DENND1A: variants seen among roughly 807,000 people sequenced by gnomAD.
The protein encoded by DENND1A is DENN domain containing 1A.
A neutral mutation model predicts 113.7 loss-of-function variants in DENND1A; 51 were observed. The observed-to-expected ratio is 0.45, with a 90% confidence interval of 0.36 to 0.57. DENND1A has a LOEUF of 0.57. Among genes scored for constraint, DENND1A ranks in the 20% least tolerant of loss-of-function variants. The pLI is 0.00. For synonymous variants in DENND1A, 565 were observed against 570.8 expected, an observed-to-expected ratio of 0.99 and a Z score of 0.14; for missense variants, 1,258 against 1,395.9, an observed-to-expected ratio of 0.90 and a Z score of 1.57.
intron 2 of DENND1A, among the ~76,000 whole-genome samples, chr9:123,806,253 CTGTT>C (rs1835543914): frequency 2.0e-5 from 3 of 150,224 alleles, no homozygotes; most frequent in South Asian, 2.1e-4. Flanking sequence ...GGCCAACATA[CTGTT>C]TGTTTGTTGT....
At chr9:123,387,031 C>T (rs1588267130) in intron 22 of DENND1A, among the ~76,000 whole-genome samples, 1 of 152,240 alleles carries the variant, frequency 6.6e-6, no homozygotes, top group Non-Finnish European at 1.5e-5. Flanking sequence ...CCCTTAAAGG[C>T]TCCCATTAAA....
chr9:123,742,492 A>G (rs2069113028), intron 5 of DENND1A, among the ~76,000 whole-genome samples: 1 of 152,188 alleles, frequency 6.6e-6, no homozygotes, highest in South Asian at 2.1e-4. Context: ...ATCCTTCCAC[A>G]TGTTTCTGCT....
chr9:123,728,506 A>AAAAAAAAAAAAAAAAAC (rs1564150268), intron 5 of DENND1A, among the ~76,000 whole-genome samples: 2 of 145,900 alleles, frequency 1.4e-5, no homozygotes, highest in African/African-American at 5.4e-5. Context: ...AAAAAAAAAA[A>AAAAAAAAAAAAAAAAAC]AAAACAGGCA....
At position 123,824,038 on chromosome 9, in the gene DENND1A, A is replaced by C. The variant is rs542310885; in HGVS notation, c.89-31408T>G. 2.0e-5 allele frequency among the ~76,000 whole-genome samples: 3 copies of C among 152,326 alleles called. No individual in the cohort carries two copies. The East Asian group carries it at 5.8e-4, about 29-fold the overall frequency. ...TCAGAACTGAAATCTGGCCAGGTCT[A>C]TTTGACATGAAAATCAAAGTTCTTT... On this transcript the variant is annotated intron_variant, in intron 2 of 23. Transcript: ENST00000394215.
At chr9:123,460,933 T>A (rs1337503758) in intron 13 of DENND1A, among the ~76,000 whole-genome samples, 2 of 152,244 alleles carry the variant, frequency 1.3e-5, no homozygotes, top group Non-Finnish European at 2.9e-5. Context: ...TGTTCAACAT[T>A]GTGCACCTGG....
intron 1 of DENND1A, among the ~76,000 whole-genome samples, chr9:123,920,605 G>A (rs1856061303): frequency 6.6e-6 from 1 of 152,142 alleles, no homozygotes; most frequent in African/African-American, 2.4e-5. Context: ...TGTTGCCCAA[G>A]CTAGAGTACA....
intron 2 of DENND1A, among the ~76,000 whole-genome samples, chr9:123,834,077 A>C (rs571543936): frequency 9.2e-5 from 14 of 152,282 alleles, no homozygotes; most frequent in African/African-American, 3.4e-4. Flanking sequence ...CTCAAATAGA[A>C]TACAGTTGTC....
chr9:123,622,982 A>AAGTAGAAAG, intron 10 of DENND1A, among the ~76,000 whole-genome samples: 1 of 152,358 alleles, frequency 6.6e-6, no homozygotes, highest in Non-Finnish European at 1.5e-5. Context: ...CACAGATCTA[A>AAGTAGAAAG]AGTAGAAAGG....
chr9:123,666,999 A>T, intron 8 of DENND1A, 27 bp downstream of exon 8: 1 of 1,567,436 alleles, frequency 6.4e-7, no homozygotes, highest in Non-Finnish European at 8.6e-7. Flanking sequence ...ATAAAAATTT[A>T]ATTTTTTCTT....
chr9:123,821,209 AT>A (rs1590226008), intron 2 of DENND1A, among the ~76,000 whole-genome samples: 2 of 152,360 alleles, frequency 1.3e-5, no homozygotes, highest in East Asian at 3.9e-4. Flanking sequence ...TTCATCTCAA[AT>A]TCATCAGAAA....
At chr9:123,420,863 A>G (rs973870198) in intron 19 of DENND1A, among the ~76,000 whole-genome samples, 91 of 11,180 alleles carry the variant, frequency 8.1e-3, no homozygotes, top group Middle Eastern at 0.028. Flanking sequence ...GAGGCGGGGG[A>G]GGGAGGAGGG....
intron 12 of DENND1A, among the ~76,000 whole-genome samples, chr9:123,559,322 A>G (rs1266046890): frequency 1.3e-5 from 2 of 152,330 alleles, no homozygotes; most frequent in East Asian, 1.9e-4. Flanking sequence ...TGCAGGTAAC[A>G]TATCAAGAGC....
At chr9:123,566,359 G>C (rs1331062414) in intron 12 of DENND1A, among the ~76,000 whole-genome samples, 1 of 152,198 alleles carries the variant, frequency 6.6e-6, no homozygotes, top group East Asian at 1.9e-4. Context: ...GGTTCTCCAT[G>C]GGGGAGTGAG....
At chr9:123,837,312 C>A (rs759247967) in intron 2 of DENND1A, among the ~76,000 whole-genome samples, 10 of 152,164 alleles carry the variant, frequency 6.6e-5, no homozygotes, top group African/African-American at 1.2e-4. Context: ...ACAATTAGCA[C>A]CCCCTTGCCT....
intron 13 of DENND1A, among the ~76,000 whole-genome samples, chr9:123,460,911 T>C (rs2048473907): frequency 1.3e-5 from 2 of 152,240 alleles, no homozygotes; most frequent in Admixed American, 1.3e-4. Context: ...CAGGCCGGAA[T>C]GGTGTCTGTT....
rs916924306 is a variant in DENND1A, at chr9:123,844,323, A to T, written c.88+34628T>A. On this transcript the variant is annotated intron_variant, in intron 2 of 23. Coordinates refer to ENST00000394215, the MANE Select transcript of DENND1A (RefSeq NM_001352964.2). The stretch of plus-strand genomic sequence containing the variant: ...ATACTCTTACACAAAGAAAATCCTA[A>T]GAAATTCACTAAAAACCTATTAGAA... 2.0e-5 allele frequency among the ~76,000 whole-genome samples: 3 copies of T among 152,174 alleles called. No homozygotes were observed. In the East Asian group the frequency reaches 5.8e-4, roughly 29 times the overall value.
chr9:123,571,088 T>A (rs1170355299), intron 12 of DENND1A, among the ~76,000 whole-genome samples: 9 of 152,034 alleles, frequency 5.9e-5, no homozygotes, highest in Admixed American at 5.9e-4. Flanking sequence ...TTTTTTTTTT[T>A]AGGGTAAAAC....
At chr9:123,539,882 CAAA>C (rs141372137) in intron 13 of DENND1A, among the ~76,000 whole-genome samples, 3 of 90,682 alleles carry the variant, frequency 3.3e-5, no homozygotes, top group Admixed American at 1.2e-4. Flanking sequence ...GACTCCGTCT[CAAA>C]AAAAAAAAAA....
At chr9:123,570,115 C>A (rs554526861) in intron 12 of DENND1A, among the ~76,000 whole-genome samples, 1 of 152,300 alleles carries the variant, frequency 6.6e-6, no homozygotes, top group Non-Finnish European at 1.5e-5. Flanking sequence ...GTGTGCTCAT[C>A]GCTCCTTTCC....
Sources: gnomAD v4.1 joint callset for allele counts (sites outside exome capture counted in the v4.1 genomes callset) on GRCh38, gnomAD v4.1.1 for gene constraint, MANE v1.5 for transcripts, NCBI Gene and HGNC (gene_info 2026-07-23, HGNC 2026-07-21) for gene names.